The following ORC4 variants were observed in gnomAD, a reference collection of about 807,000 sequenced individuals.
The protein encoded by ORC4 is origin recognition complex subunit 4, also known as origin recognition complex, subunit 4 homolog.
In ORC4, 55 loss-of-function variants were observed where a neutral mutation model predicts 63.9. That is an observed-to-expected ratio of 0.86 (90% CI 0.69 to 1.08). The LOEUF (loss-of-function observed/expected upper bound fraction) is 1.08, where lower values mean the gene tolerates loss of function less well. ORC4 is among the 50% of genes least tolerant of loss of function. ORC4 has a pLI of 0.00. For missense variants in ORC4, 511 were observed against 504.4 expected (o/e 1.01, Z -0.13); for synonymous variants, 150 against 168.5 (o/e 0.89, Z 0.85).
intron 1 of ORC4, among the ~76,000 whole-genome samples, chr2:148,001,265 AC>A (rs1438491274): frequency 6.6e-6 from 1 of 152,194 alleles, no homozygotes; most frequent in Non-Finnish European, 1.5e-5. Context: ...GTGTTCTTTT[AC>A]CTTTGCAACA....
At chr2:147,971,957 G>A (rs192820143) in intron 4 of ORC4, among the ~76,000 whole-genome samples, 281 of 152,010 alleles carry the variant, frequency 1.8e-3, no homozygotes, top group Non-Finnish European at 3.5e-3. Flanking sequence ...TTGCTTAAAT[G>A]TTAAAAAAAA....
At chr2:147,981,930 T>G (rs2105371649) in intron 1 of ORC4, 1 of 152,294 alleles carries the variant, frequency 6.6e-6, no homozygotes, top group South Asian at 2.1e-4. Flanking sequence ...AAGCAAACCA[T>G]GGTAATGCTG....
chr2:147,939,087 C>A, intron 11 of ORC4, 53 bp downstream of exon 11: 2 of 1,051,314 alleles, frequency 1.9e-6, no homozygotes, highest in Non-Finnish European at 1.5e-6. Flanking sequence ...ATTCCATTAT[C>A]TAAATTCAAA....
chr2:147,938,991 C>G lies in ORC4; in HGVS notation c.958+149G>C, dbSNP rs568854701. On this transcript the variant is annotated intron_variant, in intron 11 of 13. Transcript: ENST00000392857. ...TTCACTTTAAATGGGAGTGATAGTA[C>G]CTTTAAAAGGACTAAGTTAAAGGCT... 2.1e-3 allele frequency: 1,253 copies of G among 607,616 alleles called. 9 individuals are homozygous for G. The highest frequency in any genetic ancestry group is 7.9e-3 in the South Asian group (447 of 56,370). The allele number at this position is 607,616 out of a possible 1,614,324, so 37.6% of individuals were successfully genotyped here.
chr2:148,003,561 C>T (rs1237385562), intron 1 of ORC4, among the ~76,000 whole-genome samples: 2 of 151,878 alleles, frequency 1.3e-5, no homozygotes, highest in East Asian at 3.9e-4. Flanking sequence ...AATTCAACAC[C>T]CCTTCATGCT....
Position 147,932,944 on chromosome 2 carries a change from G to A in ORC4, c.*2566C>T, listed in dbSNP as rs1416647235. On this transcript the variant is annotated 3_prime_UTR_variant, in exon 14 of 14. Coordinates refer to ENST00000392857, the MANE Select transcript of ORC4 (RefSeq NM_181741.4). ...TCATTAGGACATTAACAGGTATTAC[G>A]TTTTCAACATATACAGCATTATGAT... The A allele has an allele frequency of 6.6e-6, 1 of 152,058 alleles. No individual in the cohort carries two copies. The highest frequency in any genetic ancestry group is 6.6e-5 in the Admixed American group (1 of 15,232). 9.4% of individuals were successfully genotyped at this position (152,058 alleles called of 1,614,324 possible). A position where few individuals can be genotyped will look rare whatever the true frequency, so the allele number is the denominator to read the frequency against.
chr2:147,954,507 C>T (rs1206549831), intron 7 of ORC4, among the ~76,000 whole-genome samples: 2 of 152,056 alleles, frequency 1.3e-5, no homozygotes, highest in African/African-American at 4.8e-5. Flanking sequence ...TGTATCTAAA[C>T]ATATCTAAAC....
At position 147,956,484 on chromosome 2, in the gene ORC4, G is replaced by A. The variant is rs567662465; in HGVS notation, c.388-1089C>T. Reference sequence around the variant, plus strand: ...ATGTATAATATACATATATATGTCTGTTTATATCAAACCAGAAAAGCTGTG... The same window carrying A: ...ATGTATAATATACATATATATGTCTATTTATATCAAACCAGAAAAGCTGTG... On this transcript the variant is annotated intron_variant, in intron 6 of 13. Transcript: ENST00000392857. Among the ~76,000 whole-genome samples, 3 of 152,080 alleles carry A rather than the reference G, an allele frequency of 2.0e-5. No individual in the cohort carries two copies. The South Asian group carries it at 6.2e-4, about 32-fold the overall frequency.
chr2:147,991,331 G>A (rs1051994283), intron 1 of ORC4, among the ~76,000 whole-genome samples: 5 of 152,004 alleles, frequency 3.3e-5, no homozygotes, highest in Admixed American at 1.3e-4. Flanking sequence ...TTACAGGCGT[G>A]AGCCACTGCA....
intron 3 of ORC4, among the ~76,000 whole-genome samples, chr2:147,973,190 T>C (rs1013835273): frequency 6.6e-6 from 1 of 152,194 alleles, no homozygotes; most frequent in Non-Finnish European, 1.5e-5. Flanking sequence ...AAGGGCAAGA[T>C]GGCTAGAATT....
At chr2:147,955,479 T>G in intron 6 of ORC4, 84 bp from the exon 7 acceptor site, 1 of 907,952 alleles carries the variant, frequency 1.1e-6, no homozygotes, top group East Asian at 2.6e-5. Flanking sequence ...AAATTTTATA[T>G]AAACACTGTA....
intron 1 of ORC4, among the ~76,000 whole-genome samples, chr2:147,999,780 A>G (rs950348045): frequency 6.6e-6 from 1 of 152,174 alleles, no homozygotes; most frequent in African/African-American, 2.4e-5. Context: ...ATCTAACATA[A>G]ATTTGAACAT....
At chr2:147,976,047 G>C (rs1690535154) in intron 1 of ORC4, 72 bp from the exon 2 acceptor site, 1 of 815,326 alleles carries the variant, frequency 1.2e-6, no homozygotes, top group East Asian at 2.5e-5. Context: ...TACTGTTCTA[G>C]AATTAAAATA....
chr2:147,956,758 CTA>C (rs911227295), intron 6 of ORC4, among the ~76,000 whole-genome samples: 1 of 151,952 alleles, frequency 6.6e-6, no homozygotes. Flanking sequence ...CTAATAATCT[CTA>C]TATATGATAA....
intron 1 of ORC4, among the ~76,000 whole-genome samples, chr2:148,014,443 T>C (rs1693144201): frequency 6.6e-6 from 1 of 152,106 alleles, no homozygotes. Flanking sequence ...CCTAGAAAAA[T>C]GTACCTTCTT....
Position 147,931,605 on chromosome 2 carries a change from A to C in ORC4, c.*3905T>G, listed in dbSNP as rs1360430454. ...CAGCAGCACATCAAAAAGCTTATCCACCATGATCAAGTGGGCTTCATCCCT... is the reference window on the plus strand; with the variant it reads ...CAGCAGCACATCAAAAAGCTTATCCCCCATGATCAAGTGGGCTTCATCCCT... On this transcript the variant is annotated 3_prime_UTR_variant, in exon 14 of 14. Coordinates refer to ENST00000392857, the MANE Select transcript of ORC4 (RefSeq NM_181741.4). 2 of 152,156 alleles carry C rather than the reference A, an allele frequency of 1.3e-5. No individual in the cohort carries two copies. Among genetic ancestry groups the C allele is most frequent in the South Asian group, 2.1e-4 (1 of 4,824 alleles). 9.4% of individuals were successfully genotyped at this position (152,156 alleles called of 1,614,324 possible). A position where few individuals can be genotyped will look rare whatever the true frequency, so the allele number is the denominator to read the frequency against.
intron 1 of ORC4, among the ~76,000 whole-genome samples, chr2:148,009,267 C>A (rs937556821): frequency 2.0e-5 from 3 of 151,726 alleles, no homozygotes; most frequent in Admixed American, 1.3e-4. Context: ...TAGAAAATAA[C>A]CAGAACAACA....
chr2:147,943,236 T>C (rs1370888117), intron 10 of ORC4, among the ~76,000 whole-genome samples, 200 bp downstream of exon 10: 6 of 152,046 alleles, frequency 3.9e-5, no homozygotes, highest in Admixed American at 3.3e-4. Context: ...AAAAACTTAA[T>C]TATCTAATGA....
rs369905617 is a variant in ORC4, at chr2:147,937,292, C to T, written c.1122+854G>A. On this transcript the variant is annotated intron_variant, in intron 13 of 13. Coordinates refer to ENST00000392857, the MANE Select transcript of ORC4 (RefSeq NM_181741.4). ...AAATCTTCAAGAGCTGCACTGTCCA[C>T]GCTAGGCTACTGAGCACTTCAATGT... Among the ~76,000 whole-genome samples, 13 of 152,190 alleles carry T rather than the reference C, an allele frequency of 8.5e-5. No homozygotes were observed. The East Asian group carries it at 9.7e-4, about 11-fold the overall frequency.
Sources: gnomAD v4.1 joint callset for allele counts (sites outside exome capture counted in the v4.1 genomes callset) on GRCh38, gnomAD v4.1.1 for gene constraint, MANE v1.5 for transcripts, NCBI Gene and HGNC (gene_info 2026-07-23, HGNC 2026-07-21) for gene names.